ZFYVE1: variants seen among roughly 807,000 people sequenced by gnomAD.
The protein encoded by ZFYVE1 is zinc finger FYVE domain-containing protein 1.
Under a neutral mutation model 74.4 loss-of-function variants are expected in ZFYVE1, and 30 were observed. That is an observed-to-expected ratio of 0.40 (90% CI 0.30 to 0.55). ZFYVE1 has a LOEUF of 0.55. Among genes scored for constraint, ZFYVE1 ranks in the 20% least tolerant of loss-of-function variants. The pLI is 0.42. For missense variants in ZFYVE1, 703 were observed against 1,011.6 expected, an observed-to-expected ratio of 0.69 and a Z score of 4.14; for synonymous variants, 335 against 385.1, an observed-to-expected ratio of 0.87 and a Z score of 1.52.
At chr14:73,021,531 T>C (rs1304900870) in intron 2 of ZFYVE1, among the ~76,000 whole-genome samples, 1 of 152,250 alleles carries the variant, frequency 6.6e-6, no homozygotes, top group Non-Finnish European at 1.5e-5. Context: ...CCTAGATTTA[T>C]GTCAATCATC....
At chr14:72,986,861 A>T in intron 4 of ZFYVE1, 1 of 984,976 alleles carries the variant, frequency 1.0e-6, no homozygotes, top group Non-Finnish European at 1.2e-6. Context: ...CCTGATCCAT[A>T]TACTTATTAG....
chr14:73,001,489 G>A (rs1028207852), intron 2 of ZFYVE1, among the ~76,000 whole-genome samples: 2 of 151,770 alleles, frequency 1.3e-5, no homozygotes, highest in South Asian at 2.1e-4. Flanking sequence ...TGAACACACC[G>A]GATCTCATCT....
chr14:72,971,120 G>T lies in ZFYVE1; in HGVS notation c.2102-6C>A. 1 of 1,613,960 alleles carries T rather than the reference G, an allele frequency of 6.2e-7. No individual in the cohort carries two copies. Among genetic ancestry groups the T allele is most frequent in the Non-Finnish European group, 8.5e-7 (1 of 1,180,016 alleles). ...GGCCGCGTCCTTTACCAGACCTAAG[G>T]CAGGGAACAATGGTCAGGGCACCCA... is the stretch of plus-strand genomic sequence containing the variant. On this transcript the variant is annotated splice_polypyrimidine_tract_variant and splice_region_variant and intron_variant, in intron 11 of 11. Coordinates refer to ENST00000556143, the MANE Select transcript of ZFYVE1 (RefSeq NM_021260.4).
chr14:72,975,377 G>C lies in ZFYVE1; in HGVS notation c.1806+174C>G, dbSNP rs1377590625. Among the ~76,000 whole-genome samples the C allele has an allele frequency of 2.0e-5, 3 of 152,156 alleles. No individual in the cohort carries two copies. Among genetic ancestry groups the C allele is most frequent in the Non-Finnish European group, 4.4e-5 (3 of 68,036 alleles). ...GGAAAACACGAAGGGAAATCAATGGGCAAAGAGAAACTGGCTGCCTCAACG... is the reference window on the plus strand; with the variant it reads ...GGAAAACACGAAGGGAAATCAATGGCCAAAGAGAAACTGGCTGCCTCAACG... On this transcript the variant is annotated intron_variant, in intron 9 of 11. Transcript: ENST00000556143. This position sits in a 1 kb window ranked among gnomAD's most constrained non-coding sequence, Gnocchi z 4.1.
intron 2 of ZFYVE1, among the ~76,000 whole-genome samples, chr14:72,999,976 G>C (rs1893835261): frequency 6.6e-6 from 1 of 152,126 alleles, no homozygotes; most frequent in African/African-American, 2.4e-5. Context: ...CAGGAGAATT[G>C]CTTGAACCCG....
chr14:73,018,420 G>A (rs1894244705), intron 2 of ZFYVE1, among the ~76,000 whole-genome samples: 1 of 107,108 alleles, frequency 9.3e-6, no homozygotes, highest in Non-Finnish European at 1.7e-5. Flanking sequence ...GACAGAGCAA[G>A]ACTCCATCTC....
intron 8 of ZFYVE1, among the ~76,000 whole-genome samples, chr14:72,977,494 T>C (rs1208199144): frequency 6.6e-6 from 1 of 151,838 alleles, no homozygotes; most frequent in South Asian, 2.1e-4. Flanking sequence ...AACAAAAAAA[T>C]GGCTTTCTTA....
At chr14:73,003,656 G>A (rs560449837) in intron 2 of ZFYVE1, among the ~76,000 whole-genome samples, 3 of 152,226 alleles carry the variant, frequency 2.0e-5, no homozygotes, top group South Asian at 4.2e-4. Flanking sequence ...GTTGCAGTGG[G>A]CCGAGATCGT....
Position 73,027,104 on chromosome 14 carries a change from A to C in ZFYVE1, c.-613T>G, listed in dbSNP as rs1261890251. ...TTGTCAGTTGGGATCAGCTGATCGG[A>C]GTGAACTTCTCCCAGCTCGGACTAA... On this transcript the variant is annotated 5_prime_UTR_variant, in exon 1 of 12. Coordinates refer to ENST00000556143, the MANE Select transcript of ZFYVE1 (RefSeq NM_021260.4). 1 of 398,648 alleles carries C rather than the reference A, an allele frequency of 2.5e-6. No homozygotes were observed. Among genetic ancestry groups the C allele is most frequent in the African/African-American group, 2.1e-5 (1 of 48,632 alleles). 24.7% of individuals were successfully genotyped at this position (398,648 alleles called of 1,614,324 possible). A position where few individuals can be genotyped will look rare whatever the true frequency, so the allele number is the denominator to read the frequency against.
At chr14:72,995,800 C>T (rs1392244266) in intron 3 of ZFYVE1, among the ~76,000 whole-genome samples, 1 of 152,172 alleles carries the variant, frequency 6.6e-6, no homozygotes, top group Admixed American at 6.5e-5. Flanking sequence ...CCAGGTCCTT[C>T]AGATTCAACC....
chr14:72,975,657 A>G lies in ZFYVE1; in HGVS notation c.1700T>C (p.Met567Thr), dbSNP rs1245514911. The G allele has an allele frequency of 6.2e-7, 1 of 1,614,086 alleles. No individual in the cohort carries two copies. The highest frequency in any genetic ancestry group is 8.5e-7 in the Non-Finnish European group (1 of 1,180,042). ...GCTAAGCTCGGACACCGACTGAGCC[A>G]TGAAGTTCATCCCGTCCAACAGGCG... is the stretch of plus-strand genomic sequence containing the variant. ...AQRLLDGMNFMAQSVSELSLG... is the reference protein window; with the variant it reads ...AQRLLDGMNFTAQSVSELSLG... The change falls in exon 9 of 12, where the codon ATG (methionine) becomes ACG (threonine). Residue 567 changes from methionine to threonine, a missense_variant. By Grantham distance (81) the Met-to-Thr change is moderately conservative. Around this residue, in one of 2 missense-constraint regions of ZFYVE1, gnomAD observed 492 missense variants for 790.0 expected, o/e 0.62. Coordinates refer to ENST00000556143, the MANE Select transcript of ZFYVE1 (RefSeq NM_021260.4). The surrounding 1 kb of genome is among the most constrained non-coding windows in gnomAD (Gnocchi z 4.1).
intron 2 of ZFYVE1, among the ~76,000 whole-genome samples, chr14:73,014,236 G>A (rs11622549): frequency 0.18 from 28,050 of 152,092 alleles, 3,326 homozygotes; most frequent in East Asian, 0.43. Context: ...ACAAAATAGC[G>A]TACCAAGTTA....
chr14:72,974,037 AACCCGCATCCACT>A, intron 11 of ZFYVE1, 30 bp downstream of exon 11: 1 of 1,589,468 alleles, frequency 6.3e-7, no homozygotes, highest in Admixed American at 1.7e-5. Context: ...GAAACCCCTC[AACCCGCATCCACT>A]ACCCCCAAGA....
At chr14:73,017,958 G>A (rs771074747) in intron 2 of ZFYVE1, among the ~76,000 whole-genome samples, 1 of 152,138 alleles carries the variant, frequency 6.6e-6, no homozygotes, top group Non-Finnish European at 1.5e-5. Flanking sequence ...GGCCTCCCAT[G>A]CATTGGCACC....
intron 2 of ZFYVE1, among the ~76,000 whole-genome samples, chr14:72,999,998 G>A (rs1189238885): frequency 6.6e-6 from 1 of 152,136 alleles, no homozygotes; most frequent in East Asian, 1.9e-4. Flanking sequence ...GAGGCAGACT[G>A]CAGTGAGCCG....
chr14:72,978,057 C>T lies in ZFYVE1; in HGVS notation c.1518-13G>A, dbSNP rs931690422. 1 of 1,614,120 alleles carries T rather than the reference C, an allele frequency of 6.2e-7. No individual in the cohort carries two copies. On this transcript the variant is annotated splice_polypyrimidine_tract_variant and intron_variant, in intron 7 of 11. Transcript: ENST00000556143. Reference sequence around the variant, plus strand: ...TTCGATCACATACCTACAAGGAAAGCAAATCAATACTGTTACCCAGCCAGG... The same window carrying T: ...TTCGATCACATACCTACAAGGAAAGTAAATCAATACTGTTACCCAGCCAGG...
chr14:72,993,766 G>A (rs563957001), intron 3 of ZFYVE1, among the ~76,000 whole-genome samples: 16 of 152,134 alleles, frequency 1.1e-4, no homozygotes, highest in East Asian at 1.9e-4. Flanking sequence ...GCTCACACCT[G>A]TAATCCCAGC....
chr14:73,012,523 G>C (rs769463516), intron 2 of ZFYVE1, among the ~76,000 whole-genome samples: 1 of 152,116 alleles, frequency 6.6e-6, no homozygotes, highest in Non-Finnish European at 1.5e-5. Flanking sequence ...TTGGGAGGCT[G>C]AGACAGGAGA....
chr14:72,975,006 A>T lies in ZFYVE1; in HGVS notation c.1807-47T>A. 6.5e-7 allele frequency: 1 copy of T among 1,550,184 alleles called. No individual in the cohort carries two copies. Among genetic ancestry groups the T allele is most frequent in the African/African-American group, 1.4e-5 (1 of 73,634 alleles). ...ACAGAGAGGCAGGTAGGTATGGTAC[A>T]TGTCTGCTCAGCTGAGAAAGTCAAC... On this transcript the variant is annotated intron_variant, in intron 9 of 11. Transcript: ENST00000556143. The surrounding 1 kb of genome is among the most constrained non-coding windows in gnomAD (Gnocchi z 4.1).
Sources: gnomAD v4.1 joint callset for allele counts (sites outside exome capture counted in the v4.1 genomes callset) on GRCh38, gnomAD v4.1.1 for gene constraint, gnomAD v4.1.1 regional missense constraint, Gnocchi (gnomAD v3.1) non-coding constraint, MANE v1.5 for transcripts, NCBI Gene and HGNC (gene_info 2026-07-23, HGNC 2026-07-21) for gene names.